Variants in NRP2 observed in about 807,000 individuals in gnomAD.
NRP2 encodes neuropilin-2.
In NRP2, 52 loss-of-function variants were observed where a neutral mutation model predicts 110.4. That is an observed-to-expected ratio of 0.47 (90% confidence interval 0.38 to 0.59). NRP2 has a LOEUF of 0.59. Ranked by LOEUF, NRP2 falls within the 20% of genes least tolerant of loss-of-function variation. The pLI, the probability that NRP2 is intolerant of heterozygous loss-of-function variation, is 0.00. For synonymous variants in NRP2, 508 were observed against 468.9 expected (o/e 1.08, Z -1.08); for missense variants, 1,049 against 1,203.0 (o/e 0.87, Z 1.89).
chr2:205,774,009 C>T (rs1246168682), intron 15 of NRP2, among the ~76,000 whole-genome samples: 1 of 152,194 alleles, frequency 6.6e-6, no homozygotes, highest in African/African-American at 2.4e-5. Flanking sequence ...TGTGGAGCCA[C>T]ATGAAAATCA....
At chr2:205,723,763 T>A (rs1359873103) in intron 4 of NRP2, 22 bp from the exon 5 acceptor site, 1 of 1,613,854 alleles carries the variant, frequency 6.2e-7, no homozygotes, top group Non-Finnish European at 8.5e-7. Flanking sequence ...TCCACTGACT[T>A]CTCTTTGTCT....
intron 10 of NRP2, 64 bp downstream of exon 10, chr2:205,745,954 G>A (rs2105880838): frequency 5.7e-6 from 9 of 1,583,900 alleles, no homozygotes; most frequent in South Asian, 3.3e-5. Context: ...GGCATCCCAC[G>A]AGGCCCTGGG....
At chr2:205,754,001 T>A (rs1252870254) in intron 12 of NRP2, among the ~76,000 whole-genome samples, 1 of 152,206 alleles carries the variant, frequency 6.6e-6, no homozygotes, top group African/African-American at 2.4e-5. Context: ...TATAGCTTTA[T>A]ATAATTTAAT....
chr2:205,785,658 T>C (rs2058228171), intron 15 of NRP2, among the ~76,000 whole-genome samples: 3 of 152,264 alleles, frequency 2.0e-5, no homozygotes. Context: ...TAGCCAAACA[T>C]GTCTCTGGCT....
chr2:205,694,066 G>A (rs1416176937), intron 1 of NRP2, among the ~76,000 whole-genome samples: 1 of 152,208 alleles, frequency 6.6e-6, no homozygotes, highest in African/African-American at 2.4e-5. Flanking sequence ...ATTGGGTTCT[G>A]TAGGAAGGTG....
At position 205,745,776 on chromosome 2, in the gene NRP2, C is replaced by G; in HGVS notation, c.1672C>G (p.Pro558Ala). Reference protein sequence around the residue: ...LFEGNMHYDTPDIRRFDPIPA... With the variant: ...LFEGNMHYDTADIRRFDPIPA... ...CGAAGGGAACATGCACTATGACACC[C>G]CTGACATCCGAAGGTTTGACCCCAT... The change falls in exon 10 of 17, where the codon CCT (proline) becomes GCT (alanine). Residue 558 changes from proline (P) to alanine (A), a missense_variant. By Grantham distance (27) the Pro-to-Ala change is conservative. Coordinates refer to ENST00000357785, the MANE Select transcript of NRP2 (RefSeq NM_003872.3). The G allele has an allele frequency of 6.2e-7, 1 of 1,614,220 alleles. No individual in the cohort carries two copies. Among genetic ancestry groups the G allele is most frequent in the Non-Finnish European group, 8.5e-7 (1 of 1,180,026 alleles).
intron 16 of NRP2, among the ~76,000 whole-genome samples, chr2:205,793,667 C>T (rs951771368): frequency 1.3e-5 from 2 of 152,160 alleles, no homozygotes; most frequent in Non-Finnish European, 2.9e-5. Context: ...ACGATGTTCT[C>T]TCATGTGTGT....
chr2:205,763,709 C>G lies in NRP2; in HGVS notation c.2080C>G (p.Gln694Glu). 6.2e-7 allele frequency: 1 copy of G among 1,614,200 alleles called. No homozygotes were observed. The highest frequency in any genetic ancestry group is 8.5e-7 in the Non-Finnish European group (1 of 1,180,032). Residue 694 changes from glutamine to glutamate, a missense_variant, in exon 13 of 17, where the codon CAG becomes GAG. Physicochemically the swap from Gln to Glu is conservative, Grantham distance 29. Coordinates refer to ENST00000357785, the MANE Select transcript of NRP2 (RefSeq NM_003872.3). This position sits in a 1 kb window ranked among gnomAD's most constrained non-coding sequence, Gnocchi z 4.0. ...RNFLRLQSDS[Q>E]REGQYARLIS... The stretch of plus-strand genomic sequence containing the variant: ...TTTCTTGCGGCTGCAGAGTGACAGC[C>G]AGAGAGAGGGCCAGTATGCCCGGCT...
chr2:205,745,376 G>A (rs1158228088), intron 9 of NRP2, among the ~76,000 whole-genome samples: 2 of 152,088 alleles, frequency 1.3e-5, no homozygotes, highest in African/African-American at 4.8e-5. Context: ...AATTCAGAAC[G>A]GTCAAAGATC....
In NRP2 at chr2:205,763,049, TC is replaced by T. The variant is rs1296160726; in HGVS notation, c.2045-622del. On this transcript the variant is annotated intron_variant, in intron 12 of 16. Transcript: ENST00000357785. The surrounding 1 kb of genome is among the most constrained non-coding windows in gnomAD (Gnocchi z 4.0). ...GCCTCCCTGAATCATCCCTTTCAGC[TC>T]CCACCCTCTGTTCTGTTTGAAGGTG... 6.6e-6 allele frequency among the ~76,000 whole-genome samples: 1 copy of T among 152,120 alleles called. No individual in the cohort carries two copies. The highest frequency in any genetic ancestry group is 1.5e-5 in the Non-Finnish European group (1 of 68,016).
chr2:205,688,046 C>G (rs930104321), intron 1 of NRP2, among the ~76,000 whole-genome samples: 2 of 152,110 alleles, frequency 1.3e-5, no homozygotes, highest in Non-Finnish European at 2.9e-5. Flanking sequence ...AATTCAAGAG[C>G]CAGGTAAAGA....
In NRP2 at chr2:205,769,505, T is replaced by C. The variant is rs199637908; in HGVS notation, c.2425+2702T>C. On this transcript the variant is annotated intron_variant, in intron 15 of 16. Transcript: ENST00000357785. ...TGCTGTGTGTGTGTATATACATACA[T>C]ACACACACACACACACACACACACA... Among the ~76,000 whole-genome samples the C allele has an allele frequency of 2.9e-3, 424 of 145,198 alleles. 1 individual carries two copies. Among genetic ancestry groups the C allele is most frequent in the Admixed American group, 4.6e-3 (68 of 14,626 alleles).
intron 15 of NRP2, chr2:205,768,350 T>C (rs1192230306): frequency 1.3e-5 from 2 of 152,196 alleles, no homozygotes; most frequent in Non-Finnish European, 2.9e-5. Flanking sequence ...ATGCTTATGT[T>C]GGTGAAGTGA....
At chr2:205,738,263 C>T (rs371093702) in intron 7 of NRP2, among the ~76,000 whole-genome samples, 30 of 152,232 alleles carry the variant, frequency 2.0e-4, no homozygotes, top group South Asian at 1.9e-3. Flanking sequence ...CTCCTGATGG[C>T]GACCACACAC....
At chr2:205,723,015 C>A (rs1362618920) in intron 4 of NRP2, among the ~76,000 whole-genome samples, 1 of 152,190 alleles carries the variant, frequency 6.6e-6, no homozygotes, top group Non-Finnish European at 1.5e-5. Flanking sequence ...CAGTGGCTAA[C>A]CCCTGTGACA....
At chr2:205,708,539 C>T (rs751254275) in intron 2 of NRP2, among the ~76,000 whole-genome samples, 16 of 152,196 alleles carry the variant, frequency 1.1e-4, no homozygotes, top group Non-Finnish European at 2.1e-4. Flanking sequence ...TCCTTCCTCA[C>T]GTCAGGAGGC....
chr2:205,731,672 T>C (rs1233386716), intron 7 of NRP2, among the ~76,000 whole-genome samples: 2 of 152,222 alleles, frequency 1.3e-5, no homozygotes, highest in East Asian at 3.8e-4. Context: ...TTCTGGGCTA[T>C]TCTGATGCAT....
At chr2:205,767,294 C>T (rs2105926941) in intron 15 of NRP2, 7 of 420,796 alleles carry the variant, frequency 1.7e-5, no homozygotes, top group South Asian at 1.2e-4. Context: ...GTACAGCCTG[C>T]AGTCAGTACC....
intron 1 of NRP2, among the ~76,000 whole-genome samples, chr2:205,697,311 T>A (rs997264698): frequency 1.8e-5 from 1 of 57,084 alleles, no homozygotes; most frequent in Non-Finnish European, 4.3e-5. Flanking sequence ...AATACTTTCA[T>A]CTGTGTGTGT....
Sources: allele counts gnomAD v4.1 joint callset (sites outside exome capture counted in the v4.1 genomes callset), GRCh38; gene constraint gnomAD v4.1.1; non-coding constraint Gnocchi (gnomAD v3.1); transcripts MANE v1.5; gene names NCBI Gene and HGNC (gene_info 2026-07-23, HGNC 2026-07-21).